RUFY3: variants seen among roughly 807,000 people sequenced by gnomAD.
The protein encoded by RUFY3 is RUN and FYVE domain containing 3.
RUFY3 carries 34 observed loss-of-function variants against 84.0 expected under a neutral mutation model. The ratio of observed to expected loss-of-function variants is 0.40; its 90% confidence interval spans 0.31 to 0.54. The LOEUF is 0.54. Ranked by LOEUF, RUFY3 falls within the 20% of genes least tolerant of loss-of-function variation. RUFY3 has a pLI of 0.39. For missense variants in RUFY3, 507 were observed against 736.8 expected, an observed-to-expected ratio of 0.69 and a Z score of 3.61; for synonymous variants, 242 against 252.9, an observed-to-expected ratio of 0.96 and a Z score of 0.41.
At chr4:70,767,049 A>C (rs1014252325) in intron 4 of RUFY3, among the ~76,000 whole-genome samples, 5 of 151,150 alleles carry the variant, frequency 3.3e-5, no homozygotes, top group African/African-American at 4.9e-5. Flanking sequence ...TCACTTAGTA[A>C]TATGCATTTA....
chr4:70,758,061 A>G (rs1217546284), intron 1 of RUFY3, among the ~76,000 whole-genome samples: 1 of 152,234 alleles, frequency 6.6e-6, no homozygotes, highest in Admixed American at 6.5e-5. Context: ...AGTACAAAAT[A>G]CACAGAAAAG....
chr4:70,766,652 C>G (rs1725984281), intron 4 of RUFY3, among the ~76,000 whole-genome samples: 1 of 152,170 alleles, frequency 6.6e-6, no homozygotes, highest in African/African-American at 2.4e-5. Context: ...CCCTTCCCCC[C>G]TGTACAACCT....
chr4:70,732,423 A>G (rs1719424290), intron 1 of RUFY3, among the ~76,000 whole-genome samples: 1 of 152,212 alleles, frequency 6.6e-6, no homozygotes, highest in Admixed American at 6.5e-5. Context: ...TTTAAAAGAA[A>G]GGATTTGCAT....
chr4:70,750,201 G>T (rs891654055), intron 1 of RUFY3, among the ~76,000 whole-genome samples: 7 of 152,028 alleles, frequency 4.6e-5, no homozygotes, highest in Non-Finnish European at 1.0e-4. Context: ...TTTATAGTAC[G>T]TAAAAAGAAT....
At chr4:70,804,534 G>C in intron 17 of RUFY3, 118 bp downstream of exon 17, 3 of 713,622 alleles carry the variant, frequency 4.2e-6, no homozygotes, top group South Asian at 2.1e-5. Context: ...GCAGAGTGCT[G>C]GGAGTGGGGT....
chr4:70,793,933 G>T (rs757071384), intron 13 of RUFY3, 29 bp downstream of exon 13: 3 of 1,610,314 alleles, frequency 1.9e-6, no homozygotes, highest in Non-Finnish European at 2.5e-6. Context: ...GAGCTGACAG[G>T]GTGGTCATGG....
intron 5 of RUFY3, among the ~76,000 whole-genome samples, chr4:70,769,916 G>A (rs994055292): frequency 6.6e-6 from 1 of 152,102 alleles, no homozygotes; most frequent in Admixed American, 6.6e-5. Flanking sequence ...TCCGCCTCCT[G>A]GGCTCAAGCA....
intron 1 of RUFY3, among the ~76,000 whole-genome samples, chr4:70,712,871 C>T (rs1741137999): frequency 6.6e-6 from 1 of 152,212 alleles, no homozygotes; most frequent in Non-Finnish European, 1.5e-5. Flanking sequence ...ACACCTATTA[C>T]ATGTCTACTC....
intron 1 of RUFY3, among the ~76,000 whole-genome samples, chr4:70,733,527 G>T (rs1445130441): frequency 6.6e-6 from 1 of 152,138 alleles, no homozygotes; most frequent in Non-Finnish European, 1.5e-5. Context: ...AAAAGTTTAT[G>T]TATGTACTGT....
At chr4:70,778,738 C>T (rs114838313) in intron 8 of RUFY3, among the ~76,000 whole-genome samples, 9,364 of 152,028 alleles carry the variant, frequency 0.062, 364 homozygotes, top group East Asian at 0.1. Context: ...CACCACCACC[C>T]CGGCTAATTT....
chr4:70,791,188 TCTC>T, intron 12 of RUFY3: 3 of 1,561,674 alleles, frequency 1.9e-6, no homozygotes. Context: ...ATTTTCTCAT[TCTC>T]CTTTCACTTC....
At chr4:70,782,803 C>T (rs1448689207) in intron 8 of RUFY3, among the ~76,000 whole-genome samples, 1 of 151,996 alleles carries the variant, frequency 6.6e-6, no homozygotes, top group Non-Finnish European at 1.5e-5. Flanking sequence ...GTCCCAGCTA[C>T]TTGGGAGGCT....
intron 1 of RUFY3, among the ~76,000 whole-genome samples, chr4:70,710,837 C>CG (rs1740899305): frequency 6.6e-6 from 1 of 150,614 alleles, no homozygotes; most frequent in African/African-American, 2.4e-5. Flanking sequence ...CCAAGGCAGG[C>CG]GGATCACTTG....
intron 14 of RUFY3, chr4:70,799,874 A>G: frequency 2.9e-6 from 1 of 340,144 alleles, no homozygotes; most frequent in Non-Finnish European, 5.2e-6. Flanking sequence ...CCAACTTTGC[A>G]AGTAAGTAGA....
At chr4:70,802,905 G>GA in intron 15 of RUFY3, 51 bp from the exon 16 acceptor site, 1 of 1,374,302 alleles carries the variant, frequency 7.3e-7, no homozygotes, top group Non-Finnish European at 1.0e-6. Flanking sequence ...TGATATAAAT[G>GA]AAAATACATG....
At chr4:70,800,279 A>G in intron 15 of RUFY3, 74 bp downstream of exon 15, 1 of 1,122,110 alleles carries the variant, frequency 8.9e-7, no homozygotes, top group Non-Finnish European at 1.3e-6. Context: ...TTCTTTATAT[A>G]CATTGGCATT....
At chr4:70,707,210 G>T (rs1003141839) in intron 1 of RUFY3, among the ~76,000 whole-genome samples, 4 of 152,234 alleles carry the variant, frequency 2.6e-5, no homozygotes, top group African/African-American at 9.6e-5. Context: ...TAAAGCTAAA[G>T]TTTCATGAGC....
intron 17 of RUFY3, among the ~76,000 whole-genome samples, chr4:70,804,849 C>T (rs996786828): frequency 3.3e-5 from 5 of 151,900 alleles, no homozygotes; most frequent in Admixed American, 1.3e-4. Context: ...CGCTTGAACC[C>T]GGGAGGCGGA....
intron 1 of RUFY3, among the ~76,000 whole-genome samples, chr4:70,758,969 C>T (rs1487808825): frequency 2.0e-5 from 3 of 151,690 alleles, no homozygotes; most frequent in African/African-American, 4.8e-5. Flanking sequence ...ACCCGGGAGG[C>T]GGAGCTTGCA....
Sources: gnomAD v4.1 joint callset for allele counts (sites outside exome capture counted in the v4.1 genomes callset) on GRCh38, gnomAD v4.1.1 for gene constraint, MANE v1.5 for transcripts, NCBI Gene and HGNC (gene_info 2026-07-23, HGNC 2026-07-21) for gene names.